SOX6: variants seen among roughly 807,000 people sequenced by gnomAD.
SOX6 encodes transcription factor SOX-6.
A neutral mutation model predicts 97.8 loss-of-function variants in SOX6; 11 were observed. The ratio of observed to expected loss-of-function variants is 0.11; its 90% confidence interval spans 0.07 to 0.19. The LOEUF is 0.19. SOX6 is among the 10% of genes least tolerant of loss of function. SOX6 has a pLI of 1.00. For missense variants in SOX6, 810 were observed against 1,039.5 expected, an observed-to-expected ratio of 0.78 and a Z score of 3.04; for synonymous variants, 360 against 371.4, an observed-to-expected ratio of 0.97 and a Z score of 0.35.
At chr11:16,627,762 T>C (rs182376150) in intron 3 of SOX6, among the ~76,000 whole-genome samples, 11 of 152,324 alleles carry the variant, frequency 7.2e-5, no homozygotes, top group Admixed American at 1.3e-4. Flanking sequence ...GTTTACTCTG[T>C]TGATAGTTTA....
intron 3 of SOX6, among the ~76,000 whole-genome samples, chr11:16,283,267 T>C (rs918641278): frequency 6.7e-6 from 1 of 150,158 alleles, no homozygotes; most frequent in South Asian, 2.1e-4. Context: ...GTTTTCAGTA[T>C]CTATAAACAA....
chr11:16,711,008 C>T (rs1222157620), intron 3 of SOX6, among the ~76,000 whole-genome samples: 2 of 152,120 alleles, frequency 1.3e-5, no homozygotes, highest in Non-Finnish European at 2.9e-5. Context: ...TTTTCATTAT[C>T]CCCAATTCTA....
At chr11:16,014,314 A>G (rs935432353) in intron 13 of SOX6, among the ~76,000 whole-genome samples, 2 of 152,084 alleles carry the variant, frequency 1.3e-5, no homozygotes, top group South Asian at 4.1e-4. Flanking sequence ...TGGTCTTTCC[A>G]CCCAGACTTC....
At chr11:16,184,832 A>G (rs528261416) in intron 5 of SOX6, among the ~76,000 whole-genome samples, 3 of 152,240 alleles carry the variant, frequency 2.0e-5, no homozygotes, top group African/African-American at 7.2e-5. Flanking sequence ...GTCCAGAGAG[A>G]TGATCCTTAG....
chr11:16,479,540 A>G (rs898911597), upstream of SOX6, among the ~76,000 whole-genome samples: 1 of 152,066 alleles, frequency 6.6e-6, no homozygotes, highest in African/African-American at 2.4e-5. Flanking sequence ...AAAAAAAAAA[A>G]AAAAAGAACA....
intron 9 of SOX6, among the ~76,000 whole-genome samples, chr11:16,075,313 G>A (rs1848327829): frequency 6.6e-6 from 1 of 152,192 alleles, no homozygotes; most frequent in South Asian, 2.1e-4. Flanking sequence ...CAAAGGAGGA[G>A]CAAAGGCACA....
intron 1 of SOX6, among the ~76,000 whole-genome samples, chr11:16,466,734 T>A (rs1165393904): frequency 1.3e-5 from 2 of 149,842 alleles, no homozygotes; most frequent in African/African-American, 2.4e-5. Context: ...ATCGAGACCA[T>A]CCCGGCTAAA....
chr11:16,473,217 G>A (rs759247894), intron 1 of SOX6, among the ~76,000 whole-genome samples: 10 of 152,104 alleles, frequency 6.6e-5, no homozygotes, highest in Non-Finnish European at 1.2e-4. Flanking sequence ...TAGTATAGGC[G>A]TGCCTTGAAG....
Position 15,970,847 on chromosome 11 carries a change from T to G in SOX6, c.*1962A>C, listed in dbSNP as rs1470163518. The stretch of plus-strand genomic sequence containing the variant: ...TTCCTATGTCCTGGTGATCAGATTC[T>G]GGGTTGTCCCATGAGGTGAACTATC... On this transcript the variant is annotated 3_prime_UTR_variant, in exon 16 of 16. Coordinates refer to ENST00000683767, the MANE Select transcript of SOX6 (RefSeq NM_001367873.1). 6.5e-6 allele frequency: 1 copy of G among 152,690 alleles called. No homozygotes were observed. Among genetic ancestry groups the G allele is most frequent in the Non-Finnish European group, 1.5e-5 (1 of 68,050 alleles). 9.5% of individuals were successfully genotyped at this position (152,690 alleles called of 1,614,324 possible). A position where few individuals can be genotyped will look rare whatever the true frequency, so the allele number is the denominator to read the frequency against.
intron 3 of SOX6, among the ~76,000 whole-genome samples, chr11:16,287,280 TCTCTCTCTCTCTCTCTCTCACACACACA>T (rs1349353622): frequency 4.7e-5 from 5 of 105,872 alleles, no homozygotes; most frequent in African/African-American, 1.7e-4. Flanking sequence ...TCTCTCTCTC[TCTCTCTCTCTCTCTCTCTCACACACACA>T]CACACACACA....
intron 4 of SOX6, among the ~76,000 whole-genome samples, chr11:16,218,736 A>G (rs908341942): frequency 2.0e-5 from 3 of 152,136 alleles, no homozygotes; most frequent in Admixed American, 2.0e-4. Flanking sequence ...TTATTAAAAC[A>G]TGTATAAAAA....
At chr11:16,371,191 C>T (rs1451780662) in intron 1 of SOX6, among the ~76,000 whole-genome samples, 1 of 152,044 alleles carries the variant, frequency 6.6e-6, no homozygotes, top group Non-Finnish European at 1.5e-5. Context: ...TCATCCCTCC[C>T]TGTACCTTGA....
chr11:16,204,715 G>T (rs1852028889), intron 4 of SOX6, among the ~76,000 whole-genome samples: 1 of 151,952 alleles, frequency 6.6e-6, no homozygotes, highest in Non-Finnish European at 1.5e-5. Context: ...AAACTAAATT[G>T]AATTGTCTTT....
intron 3 of SOX6, among the ~76,000 whole-genome samples, chr11:16,274,815 G>A (rs950291703): frequency 6.6e-6 from 1 of 152,120 alleles, no homozygotes; most frequent in Non-Finnish European, 1.5e-5. Flanking sequence ...TCTCAACTAA[G>A]AGATTTCCCC....
intron 3 of SOX6, among the ~76,000 whole-genome samples, chr11:16,273,801 C>T (rs921385061): frequency 6.6e-6 from 1 of 151,850 alleles, no homozygotes; most frequent in Admixed American, 6.6e-5. Context: ...AAGAAGAGGG[C>T]CTTGTTCTTA....
intron 1 of SOX6, among the ~76,000 whole-genome samples, chr11:16,454,770 G>C (rs1374823593): frequency 3.9e-5 from 6 of 152,054 alleles, no homozygotes; most frequent in Admixed American, 3.9e-4. Flanking sequence ...TTCCATTATA[G>C]CACAATGCCA....
At chr11:16,474,777 C>T (rs1171256798) in intron 1 of SOX6, among the ~76,000 whole-genome samples, 2 of 152,182 alleles carry the variant, frequency 1.3e-5, no homozygotes, top group African/African-American at 4.8e-5. Flanking sequence ...CAGCATTAGC[C>T]TCTAACAAAA....
At chr11:16,695,339 A>G (rs1258414195) in intron 3 of SOX6, among the ~76,000 whole-genome samples, 1 of 152,256 alleles carries the variant, frequency 6.6e-6, no homozygotes, top group African/African-American at 2.4e-5. Context: ...CAAAATTTTC[A>G]TTAAATCTTA....
intron 3 of SOX6, among the ~76,000 whole-genome samples, chr11:16,280,992 T>A (rs1463756376): frequency 6.6e-6 from 1 of 152,044 alleles, no homozygotes; most frequent in Non-Finnish European, 1.5e-5. Flanking sequence ...AGTACAATTG[T>A]CATTAATTTA....
Sources: allele counts gnomAD v4.1 joint callset (sites outside exome capture counted in the v4.1 genomes callset), GRCh38; gene constraint gnomAD v4.1.1; transcripts MANE v1.5; gene names NCBI Gene and HGNC (gene_info 2026-07-23, HGNC 2026-07-21).